COL15A1: variants seen among roughly 807,000 people sequenced by gnomAD.
COL15A1 encodes the protein collagen alpha-1(XV) chain.
COL15A1 carries 111 observed loss-of-function variants against 165.9 expected under a neutral mutation model. The observed-to-expected ratio is 0.67, with a 90% CI of 0.57 to 0.78. The LOEUF is 0.78. COL15A1 is among the 30% of genes least tolerant of loss of function. The probability of loss-of-function intolerance (pLI) is 0.00; values close to 1 mark genes in which losing one functional copy is unlikely to be tolerated. For synonymous variants in COL15A1, 659 were observed against 674.8 expected, an observed-to-expected ratio of 0.98 and a Z score of 0.36; for missense variants, 1,745 against 1,789.7, an observed-to-expected ratio of 0.98 and a Z score of 0.45.
At chr9:98,969,152 G>A (rs1838004299) in intron 2 of COL15A1, among the ~76,000 whole-genome samples, 1 of 152,164 alleles carries the variant, frequency 6.6e-6, no homozygotes, top group South Asian at 2.1e-4. Flanking sequence ...GAAAACTGAG[G>A]CCCAGGGGAA....
At chr9:99,005,846 C>T (rs1400712533) in intron 9 of COL15A1, among the ~76,000 whole-genome samples, 1 of 152,174 alleles carries the variant, frequency 6.6e-6, no homozygotes, top group Admixed American at 6.5e-5. Flanking sequence ...CAGCTTGTCT[C>T]CAGTCTTTCA....
intron 11 of COL15A1, among the ~76,000 whole-genome samples, chr9:99,016,825 C>T (rs1319057771): frequency 6.6e-6 from 1 of 152,220 alleles, no homozygotes; most frequent in Non-Finnish European, 1.5e-5. Flanking sequence ...CCCCAAACAC[C>T]ACTTGGTCAT....
At chr9:99,049,827 C>T (rs746217479) in intron 29 of COL15A1, 27 bp from the exon 30 acceptor site, 1 of 1,614,244 alleles carries the variant, frequency 6.2e-7, no homozygotes, top group South Asian at 1.1e-5. Context: ...CTGTTGACCT[C>T]ACCTCTCTTG....
Position 99,070,392 on chromosome 9 carries a change from A to G in COL15A1, c.*506A>G, listed in dbSNP as rs2118037597. On this transcript the variant is annotated 3_prime_UTR_variant, in exon 42 of 42. Transcript: ENST00000375001. ...GAAACAGGACTGCTCAAATGATCCTATTTGTATTTTCTGATGCTATCAGAC... is the reference window on the plus strand; with the variant it reads ...GAAACAGGACTGCTCAAATGATCCTGTTTGTATTTTCTGATGCTATCAGAC... The G allele has an allele frequency of 3.6e-6, 1 of 275,548 alleles. No individual in the cohort carries two copies. The highest frequency in any genetic ancestry group is 3.2e-5 in the South Asian group (1 of 31,510). 17.1% of individuals were successfully genotyped at this position (275,548 alleles called of 1,614,324 possible). A position where few individuals can be genotyped will look rare whatever the true frequency, so the allele number is the denominator to read the frequency against.
At chr9:98,991,788 C>T (rs1416579080) in intron 5 of COL15A1, among the ~76,000 whole-genome samples, 2 of 152,142 alleles carry the variant, frequency 1.3e-5, no homozygotes, top group Non-Finnish European at 1.5e-5. Context: ...GGTGTGTTTA[C>T]AAACCTTGAG....
intron 41 of COL15A1, 61 bp downstream of exon 41, chr9:99,068,731 C>T: frequency 1.1e-6 from 1 of 946,000 alleles, no homozygotes; most frequent in Non-Finnish European, 1.6e-6. Flanking sequence ...GGCATCCTAA[C>T]AATGGGATGC....
chr9:99,055,556 A>C (rs1009167218), intron 34 of COL15A1, among the ~76,000 whole-genome samples, 184 bp downstream of exon 34: 2 of 152,136 alleles, frequency 1.3e-5, no homozygotes, highest in African/African-American at 4.8e-5. Flanking sequence ...CCCTGGAGAG[A>C]AGGTAGCTGG....
Position 99,068,642 on chromosome 9 carries a change from G to T in COL15A1, c.3925G>T (p.Gly1309Cys). 6.4e-7 allele frequency: 1 copy of T among 1,562,548 alleles called. No homozygotes were observed. Among genetic ancestry groups the T allele is most frequent in the Non-Finnish European group, 8.6e-7 (1 of 1,161,992 alleles). Reference protein sequence around the residue: ...NMHIPIYSFDGRDIMTDPSWP... With the variant: ...NMHIPIYSFDCRDIMTDPSWP... ...GCATATTCCAATATACTCCTTTGAT[G>T]GTCGAGACATAATGACAGATCCTTC... Residue 1309 changes from glycine to cysteine, a missense_variant, in exon 41 of 42, where the codon GGT becomes TGT. Transcript: ENST00000375001.
intron 10 of COL15A1, 124 bp downstream of exon 10, chr9:99,015,690 G>C: frequency 1.1e-6 from 1 of 918,878 alleles, no homozygotes; most frequent in Non-Finnish European, 1.7e-6. Context: ...TGTCTGGGTG[G>C]GCAGCTGCTG....
chr9:99,065,159 C>T (rs139998254), intron 39 of COL15A1, among the ~76,000 whole-genome samples: 500 of 152,314 alleles, frequency 3.3e-3, no homozygotes, highest in African/African-American at 0.011. Flanking sequence ...TCAGAAACAA[C>T]CGTAATTTCA....
chr9:98,976,078 T>C (rs760173281), intron 2 of COL15A1, among the ~76,000 whole-genome samples: 3 of 152,182 alleles, frequency 2.0e-5, no homozygotes, highest in East Asian at 1.9e-4. Context: ...AGCAGATGAC[T>C]ACTAATGGTC....
chr9:99,022,196 G>A lies in COL15A1; in HGVS notation c.1761+46G>A, dbSNP rs548859655. 218 of 1,612,548 alleles carry A rather than the reference G, an allele frequency of 1.4e-4. 1 individual carries two copies. The South Asian group carries it at 1.8e-3, about 14-fold the overall frequency. ...TGTCACACACACAGGTGTAAGACCAGGGATGCGGCCAAAACAGCCACAGGC... is the reference window on the plus strand; with the variant it reads ...TGTCACACACACAGGTGTAAGACCAAGGATGCGGCCAAAACAGCCACAGGC... On this transcript the variant is annotated intron_variant, in intron 13 of 41. Transcript: ENST00000375001.
intron 2 of COL15A1, 25 bp from the exon 3 acceptor site, chr9:98,985,540 G>C: frequency 1.3e-6 from 2 of 1,594,408 alleles, no homozygotes; most frequent in Non-Finnish European, 1.7e-6. Flanking sequence ...CCTGTAAAGC[G>C]TGGCCTCTCT....
chr9:98,999,509 T>TTTCTTC (rs1010336482), intron 6 of COL15A1, among the ~76,000 whole-genome samples: 1 of 151,488 alleles, frequency 6.6e-6, no homozygotes, highest in East Asian at 1.9e-4. Context: ...ACAACTTCTT[T>TTTCTTC]TTCTTCTTCT....
intron 2 of COL15A1, among the ~76,000 whole-genome samples, chr9:98,984,065 A>G (rs1838270442): frequency 6.6e-6 from 1 of 152,228 alleles, no homozygotes; most frequent in Non-Finnish European, 1.5e-5. Flanking sequence ...ACAGCCATCA[A>G]TCAGTCTGCC....
chr9:98,956,168 T>G (rs1837772200), intron 2 of COL15A1, among the ~76,000 whole-genome samples: 1 of 151,994 alleles, frequency 6.6e-6, no homozygotes, highest in Non-Finnish European at 1.5e-5. Flanking sequence ...TAGCTGGGCG[T>G]GGTGGTGCAC....
At position 99,033,479 on chromosome 9, in the gene COL15A1, T is replaced by C. The variant is rs1365246804; in HGVS notation, c.2044-1070T>C. 2.0e-5 allele frequency among the ~76,000 whole-genome samples: 3 copies of C among 152,206 alleles called. No homozygotes were observed. In the East Asian group the frequency reaches 5.8e-4, roughly 29 times the overall value. On this transcript the variant is annotated intron_variant, in intron 16 of 41. Transcript: ENST00000375001. ...TACCTTCTGGGGCCCAGGGGCCACA[T>C]CATGCACCTGACTTCCATCACAGCT...
chr9:99,040,575 G>T lies in COL15A1; in HGVS notation c.2511+19G>T, dbSNP rs201171841. ...ATTTCCAGTAAGTACCACCCTCGCT[G>T]TCTTCTATCTGTGCCCCGTGGCTGC... is the stretch of plus-strand genomic sequence containing the variant. On this transcript the variant is annotated intron_variant, in intron 23 of 41. Transcript: ENST00000375001. 412 of 1,614,232 alleles carry T rather than the reference G, an allele frequency of 2.6e-4. 1 individual carries two copies. The highest frequency in any genetic ancestry group is 2.0e-3 in the Middle Eastern group (12 of 6,062).
intron 34 of COL15A1, among the ~76,000 whole-genome samples, chr9:99,055,730 A>G (rs1825711880): frequency 6.6e-6 from 1 of 152,200 alleles, no homozygotes; most frequent in Non-Finnish European, 1.5e-5. Context: ...GAGCTGTTTG[A>G]TTCTTCTGAA....
Sources: gnomAD v4.1 joint callset for allele counts (sites outside exome capture counted in the v4.1 genomes callset) on GRCh38, gnomAD v4.1.1 for gene constraint, MANE v1.5 for transcripts, NCBI Gene and HGNC (gene_info 2026-07-23, HGNC 2026-07-21) for gene names.